ZFHX3: variants seen among roughly 807,000 people sequenced by gnomAD.
ZFHX3 encodes the protein zinc finger homeobox 3.
A neutral mutation model predicts 279.1 loss-of-function variants in ZFHX3; 42 were observed. The ratio of observed to expected loss-of-function variants is 0.15; its 90% CI spans 0.12 to 0.19. ZFHX3 has a LOEUF of 0.19. Among genes scored for constraint, ZFHX3 ranks in the 10% least tolerant of loss-of-function variants. ZFHX3 has a pLI of 1.00. For synonymous variants in ZFHX3, 2,293 were observed against 1,957.8 expected, an observed-to-expected ratio of 1.17 and a Z score of -4.52; for missense variants, 4,981 against 4,754.0, an observed-to-expected ratio of 1.05 and a Z score of -1.40.
At chr16:72,895,268 T>C (rs1249396761) in intron 3 of ZFHX3, among the ~76,000 whole-genome samples, 1 of 152,190 alleles carries the variant, frequency 6.6e-6, no homozygotes, top group Non-Finnish European at 1.5e-5. Context: ...TTGGCTTGAA[T>C]ACTGTTTTGA....
intron 8 of ZFHX3, among the ~76,000 whole-genome samples, chr16:73,089,663 C>T (rs1245832962): frequency 6.6e-6 from 1 of 152,166 alleles, no homozygotes; most frequent in Non-Finnish European, 1.5e-5. Context: ...CAAGATTCAT[C>T]CCTGGATAGG....
chr16:73,591,561 C>T lies in ZFHX3; in HGVS notation c.-1547+88619G>A, dbSNP rs140658260. On this transcript the variant is annotated intron_variant, in intron 2 of 17. Coordinates refer to the ZFHX3 transcript ENST00000641206. ...CAAAAAAATTAGCAGGGCATGGTGG[C>T]GGGCACCTGTAGTCCCAGTTACTCG... 3.6e-4 allele frequency among the ~76,000 whole-genome samples: 54 copies of T among 148,826 alleles called. No homozygotes were observed. In the East Asian group the frequency reaches 9.9e-3, roughly 27 times the overall value.
At chr16:72,789,787 G>A (rs896906442) in intron 9 of ZFHX3, 2 of 152,224 alleles carry the variant, frequency 1.3e-5, no homozygotes, top group Non-Finnish European at 2.9e-5. Flanking sequence ...GAATCTGCGG[G>A]AGAAACGACC....
In ZFHX3 at chr16:72,785,716, A is replaced by AAAAGT. The variant is rs1453130172; in HGVS notation, c.*1443_*1447dup. 1.5e-4 allele frequency: 23 copies of AAAAGT among 152,166 alleles called. No homozygotes were observed. Among genetic ancestry groups the AAAAGT allele is most frequent in the Non-Finnish European group, 3.1e-4 (21 of 68,026 alleles). 9.4% of individuals were successfully genotyped at this position (152,166 alleles called of 1,614,324 possible). On this transcript the variant is annotated 3_prime_UTR_variant, in exon 10 of 10. Transcript: ENST00000268489. The stretch of plus-strand genomic sequence containing the variant: ...TAACCAAAAACTTTTTTTAGAAAAG[A>AAAAGT]AAAGTACACAGCCAATTACACAAAT...
chr16:73,388,878 A>ACTCCCCTGGGGTAC (rs2016953681), intron 3 of ZFHX3: 1 of 152,054 alleles, frequency 6.6e-6, no homozygotes, highest in African/African-American at 2.4e-5. Flanking sequence ...ACTGTGAACA[A>ACTCCCCTGGGGTAC]CTCCCCTTGG....
intron 3 of ZFHX3, among the ~76,000 whole-genome samples, chr16:72,894,600 G>C (rs1307228219): frequency 6.6e-6 from 1 of 152,240 alleles, no homozygotes; most frequent in Non-Finnish European, 1.5e-5. Flanking sequence ...CCCCGCAGAA[G>C]GGAGTGGATG....
At chr16:73,071,426 G>A (rs956952627) in intron 8 of ZFHX3, among the ~76,000 whole-genome samples, 6 of 151,986 alleles carry the variant, frequency 3.9e-5, no homozygotes, top group Admixed American at 3.9e-4. Flanking sequence ...GGGAGGGAGG[G>A]AGCACGTGCA....
intron 4 of ZFHX3, among the ~76,000 whole-genome samples, chr16:72,864,542 C>T (rs1023251166): frequency 2.6e-5 from 4 of 152,200 alleles, no homozygotes; most frequent in African/African-American, 9.7e-5. Flanking sequence ...ATCTTGGCAA[C>T]AGACTGTCAT....
Position 72,957,632 on chromosome 16 carries a change from G to A in ZFHX3, c.2514C>T (p.Asn838=). ...HMHNMMLLQQ[N]MTQIQHNRHL... ...GGCGGTTGTGTTGGATCTGGGTCAT[G>A]TTCTGTTGCAGTAACATCATGTTAT... The change falls in exon 2 of 10, where the codon AAC becomes AAT. Residue 838 remains asparagine, a synonymous_variant. Transcript: ENST00000268489. 6.2e-7 allele frequency: 1 copy of A among 1,614,196 alleles called. No homozygotes were observed. Among genetic ancestry groups the A allele is most frequent in the Non-Finnish European group, 8.5e-7 (1 of 1,180,040 alleles).
chr16:73,646,279 T>A (rs2142160783), intron 2 of ZFHX3, among the ~76,000 whole-genome samples: 1 of 152,284 alleles, frequency 6.6e-6, no homozygotes, highest in Admixed American at 6.5e-5. Context: ...TACTGATATG[T>A]AAAGACAGTT....
chr16:72,969,403 C>T (rs1962000319), intron 1 of ZFHX3, among the ~76,000 whole-genome samples: 1 of 152,058 alleles, frequency 6.6e-6, no homozygotes, highest in Non-Finnish European at 1.5e-5. Flanking sequence ...CCCCGTGACA[C>T]TCATGATCCT....
chr16:73,320,075 G>A (rs2015544645), intron 3 of ZFHX3, among the ~76,000 whole-genome samples: 1 of 152,160 alleles, frequency 6.6e-6, no homozygotes. Context: ...AGGAGGAGGA[G>A]GTAAAGGTTG....
chr16:72,947,101 T>G (rs1960721572), intron 3 of ZFHX3, among the ~76,000 whole-genome samples: 1 of 152,172 alleles, frequency 6.6e-6, no homozygotes, highest in Non-Finnish European at 1.5e-5. Context: ...CGGCCACTGT[T>G]TCAACCCAAA....
chr16:73,451,078 G>A (rs2018275177), intron 3 of ZFHX3, among the ~76,000 whole-genome samples: 1 of 152,160 alleles, frequency 6.6e-6, no homozygotes, highest in Non-Finnish European at 1.5e-5. Context: ...TAAGTCATAA[G>A]GCTCTCATGA....
At chr16:73,777,707 C>T (rs187540302) in intron 1 of ZFHX3, among the ~76,000 whole-genome samples, 5 of 152,188 alleles carry the variant, frequency 3.3e-5, no homozygotes, top group Admixed American at 3.3e-4. Context: ...TGGTGCTAAG[C>T]ACTTAACATC....
chr16:73,129,869 T>G (rs1418926799), intron 7 of ZFHX3, among the ~76,000 whole-genome samples: 1 of 152,138 alleles, frequency 6.6e-6, no homozygotes, highest in Non-Finnish European at 1.5e-5. Flanking sequence ...ACTTCATTCC[T>G]TTAGGTAGTC....
At chr16:73,804,097 C>T (rs1960209208) in intron 1 of ZFHX3, among the ~76,000 whole-genome samples, 1 of 152,178 alleles carries the variant, frequency 6.6e-6, no homozygotes, top group African/African-American at 2.4e-5. Flanking sequence ...GCTGAGGCTC[C>T]AGTGAGCCGA....
At chr16:73,304,383 G>A (rs1054972136) in intron 4 of ZFHX3, among the ~76,000 whole-genome samples, 17 of 152,168 alleles carry the variant, frequency 1.1e-4, no homozygotes, top group African/African-American at 4.1e-4. Context: ...CTATCTGGGT[G>A]GAGACATACG....
chr16:73,674,565 C>T (rs189335982), intron 2 of ZFHX3, among the ~76,000 whole-genome samples: 69 of 152,290 alleles, frequency 4.5e-4, no homozygotes, highest in South Asian at 1.2e-3. Flanking sequence ...GTAAAGATGG[C>T]CTCACATTTG....
Sources: gnomAD v4.1 joint callset for allele counts (sites outside exome capture counted in the v4.1 genomes callset) on GRCh38, gnomAD v4.1.1 for gene constraint, MANE v1.5 for transcripts, NCBI Gene and HGNC (gene_info 2026-07-23, HGNC 2026-07-21) for gene names.